PRKN: variants seen among roughly 807,000 people sequenced by gnomAD.
PRKN encodes the protein E3 ubiquitin-protein ligase parkin.
PRKN carries 56 observed loss-of-function variants against 59.5 expected under a neutral mutation model. That is an observed-to-expected ratio of 0.94 (90% CI 0.76 to 1.18). The LOEUF is 1.18. Ranked by LOEUF, PRKN falls within the 50% of genes most tolerant of loss-of-function variation. The pLI, the probability that PRKN is intolerant of heterozygous loss-of-function variation, is 0.00. For synonymous variants in PRKN, 250 were observed against 222.1 expected (o/e 1.13, Z -1.12); for missense variants, 657 against 596.4 (o/e 1.10, Z -1.06).
chr6:161,436,538 G>T (rs1788923924), intron 9 of PRKN, among the ~76,000 whole-genome samples: 1 of 151,866 alleles, frequency 6.6e-6, no homozygotes, highest in South Asian at 2.1e-4. Flanking sequence ...AATTTTTAAT[G>T]ATTTGTAATG....
At chr6:162,362,005 C>G (rs895100223) in intron 2 of PRKN, among the ~76,000 whole-genome samples, 1 of 152,196 alleles carries the variant, frequency 6.6e-6, no homozygotes, top group African/African-American at 2.4e-5. Context: ...GTGCAGCTCT[C>G]AGATTTTCAA....
chr6:161,806,972 A>C (rs1231792188), intron 6 of PRKN, among the ~76,000 whole-genome samples: 1 of 152,198 alleles, frequency 6.6e-6, no homozygotes, highest in Non-Finnish European at 1.5e-5. Flanking sequence ...GCTCCATCTG[A>C]ACCTAATGAG....
Position 161,552,507 on chromosome 6 carries a change from C to T in PRKN, c.934-3504G>A, listed in dbSNP as rs1780065052. On this transcript the variant is annotated intron_variant, in intron 8 of 11. Transcript: ENST00000366898. The surrounding 1 kb of genome is among the most constrained non-coding windows in gnomAD (Gnocchi z 4.9). ...ACGGTGATCCTCCAAGCCCCTCTCC[C>T]TCAGCTCTGCATCACCGAACTGCTC... is the stretch of plus-strand genomic sequence containing the variant. Among the ~76,000 whole-genome samples, 2 of 151,910 alleles carry T rather than the reference C, an allele frequency of 1.3e-5. No homozygotes were observed. Among genetic ancestry groups the T allele is most frequent in the Admixed American group, 6.6e-5 (1 of 15,258 alleles).
chr6:161,740,357 T>C (rs1788137359), intron 7 of PRKN, among the ~76,000 whole-genome samples: 1 of 152,192 alleles, frequency 6.6e-6, no homozygotes, highest in Non-Finnish European at 1.5e-5. Flanking sequence ...CACCCCTGCA[T>C]TTCCTGAGGC....
chr6:161,448,644 T>G lies in PRKN; in HGVS notation c.1084-61767A>C, dbSNP rs2115113873. Among the ~76,000 whole-genome samples the G allele has an allele frequency of 6.6e-6, 1 of 152,284 alleles. No individual in the cohort carries two copies. Among genetic ancestry groups the G allele is most frequent in the Non-Finnish European group, 1.5e-5 (1 of 68,022 alleles). On this transcript the variant is annotated intron_variant, in intron 9 of 11. Coordinates refer to ENST00000366898, the MANE Select transcript of PRKN (RefSeq NM_004562.3). The surrounding 1 kb of genome is among the most constrained non-coding windows in gnomAD (Gnocchi z 5.1). ...ATCTTTTCCATCCAAATATTTGCAT[T>G]TTTGCTACACATTACGTGCAAGGCT...
At chr6:161,573,392 A>G (rs1179137912) in intron 7 of PRKN, among the ~76,000 whole-genome samples, 2 of 152,044 alleles carry the variant, frequency 1.3e-5, no homozygotes, top group African/African-American at 4.8e-5. Flanking sequence ...AGCTCAGTTT[A>G]TATCTAGACA....
intron 7 of PRKN, among the ~76,000 whole-genome samples, chr6:161,722,202 T>G (rs1394362945): frequency 2.3e-4 from 35 of 151,972 alleles, no homozygotes; most frequent in Non-Finnish European, 2.9e-5. Context: ...TATAGAAAAT[T>G]CGGGGGGAAA....
At chr6:162,445,749 G>C in intron 1 of PRKN, among the ~76,000 whole-genome samples, 1 of 90,812 alleles carries the variant, frequency 1.1e-5, no homozygotes, top group Non-Finnish European at 2.2e-5. Flanking sequence ...TATCCCTCAT[G>C]ATTAAAAAGA....
chr6:162,545,409 C>G (rs912173202), intron 1 of PRKN, among the ~76,000 whole-genome samples: 12 of 152,140 alleles, frequency 7.9e-5, no homozygotes, highest in African/African-American at 2.9e-4. Flanking sequence ...CAGAATTACA[C>G]AGAAATTTGC....
At chr6:162,727,388 G>T in intron 1 of PRKN, 1 of 489,140 alleles carries the variant, frequency 2.0e-6, no homozygotes, top group South Asian at 2.9e-5. Flanking sequence ...AGGAGCGGGG[G>T]TGCGGGGCCG....
chr6:162,264,048 C>T (rs916760304), intron 2 of PRKN, among the ~76,000 whole-genome samples: 13 of 152,034 alleles, frequency 8.6e-5, no homozygotes, highest in Non-Finnish European at 1.5e-4. Flanking sequence ...CCAAGGCGGG[C>T]GGATCACTTG....
At chr6:162,622,979 A>C (rs2128221180) in intron 1 of PRKN, among the ~76,000 whole-genome samples, 1 of 152,332 alleles carries the variant, frequency 6.6e-6, no homozygotes, top group South Asian at 2.1e-4. Flanking sequence ...GAGAAACAAA[A>C]CAAAACAGAA....
chr6:162,498,614 T>C (rs1228692019), intron 1 of PRKN, among the ~76,000 whole-genome samples: 1 of 151,378 alleles, frequency 6.6e-6, no homozygotes, highest in Non-Finnish European at 1.5e-5. Flanking sequence ...CCTGGCTAAT[T>C]TTGTATTTTT....
At chr6:162,141,251 T>C (rs1426398289) in intron 4 of PRKN, among the ~76,000 whole-genome samples, 1 of 152,196 alleles carries the variant, frequency 6.6e-6, no homozygotes, top group Admixed American at 6.5e-5. Flanking sequence ...TTCATGCAAC[T>C]TCCCCAAAAT....
chr6:161,900,436 T>A (rs1016822432), intron 6 of PRKN, among the ~76,000 whole-genome samples: 1 of 143,520 alleles, frequency 7.0e-6, no homozygotes, highest in Non-Finnish European at 1.5e-5. Flanking sequence ...AAATAATATA[T>A]ATTTTTATAT....
At chr6:161,374,431 G>C (rs1348964645) in intron 10 of PRKN, among the ~76,000 whole-genome samples, 1 of 150,908 alleles carries the variant, frequency 6.6e-6, no homozygotes, top group African/African-American at 2.4e-5. Context: ...GCATATGTGT[G>C]GTGTGTGTGA....
At chr6:162,726,067 C>A (rs1035661829) in intron 1 of PRKN, among the ~76,000 whole-genome samples, 1 of 152,084 alleles carries the variant, frequency 6.6e-6, no homozygotes, top group Non-Finnish European at 1.5e-5. Flanking sequence ...TGGAAGAATT[C>A]CAGATAAAAC....
intron 7 of PRKN, among the ~76,000 whole-genome samples, chr6:161,655,694 T>C (rs973134034): frequency 3.3e-5 from 5 of 152,176 alleles, no homozygotes; most frequent in Non-Finnish European, 2.9e-5. Flanking sequence ...AAACCAGAAG[T>C]AGCTAAAAAA....
chr6:162,310,847 A>G (rs1236806540), intron 2 of PRKN, among the ~76,000 whole-genome samples: 1 of 152,044 alleles, frequency 6.6e-6, no homozygotes, highest in Non-Finnish European at 1.5e-5. Flanking sequence ...ATTCAAAACA[A>G]CTGACATACC....
Sources: gnomAD v4.1 joint callset for allele counts (sites outside exome capture counted in the v4.1 genomes callset) on GRCh38, gnomAD v4.1.1 for gene constraint, Gnocchi (gnomAD v3.1) non-coding constraint, MANE v1.5 for transcripts, NCBI Gene and HGNC (gene_info 2026-07-23, HGNC 2026-07-21) for gene names.